The following EXOC6 variants were observed in gnomAD, a reference collection of about 807,000 sequenced individuals.
EXOC6 encodes SEC15-like 1.
Under a neutral mutation model 112.5 loss-of-function variants are expected in EXOC6, and 60 were observed. The observed-to-expected ratio is 0.53, with a 90% CI of 0.43 to 0.66. The LOEUF (loss-of-function observed/expected upper bound fraction) is 0.66, where lower values mean the gene tolerates loss of function less well. Ranked by LOEUF, EXOC6 falls within the 30% of genes least tolerant of loss-of-function variation. The pLI, the probability that EXOC6 is intolerant of heterozygous loss-of-function variation, is 0.00. For missense variants in EXOC6, 855 were observed against 957.1 expected (o/e 0.89, Z 1.41); for synonymous variants, 295 against 308.0 (o/e 0.96, Z 0.44).
rs182890769 is a variant in EXOC6, at chr10:92,910,761, C to T, written c.663+1130C>T. On this transcript the variant is annotated intron_variant, in intron 6 of 21. Transcript: ENST00000260762. ...TGGCTAACACGGTGAAACCCCATCT[C>T]TACTAAAAATACAAAAAATTAGCCA... Among the ~76,000 whole-genome samples, 404 of 152,192 alleles carry T rather than the reference C, an allele frequency of 2.7e-3. 2 individuals are homozygous for T. Among genetic ancestry groups the T allele is most frequent in the African/African-American group, 9.4e-3 (389 of 41,544 alleles).
At chr10:92,896,204 T>A (rs1358975984) in intron 4 of EXOC6, among the ~76,000 whole-genome samples, 24 of 55,018 alleles carry the variant, frequency 4.4e-4, no homozygotes, top group African/African-American at 1.7e-3. Context: ...TTTTTTTTTT[T>A]TTTTTTTTTT....
chr10:93,001,971 TACTC>T (rs1351010986), intron 19 of EXOC6, among the ~76,000 whole-genome samples: 1 of 152,216 alleles, frequency 6.6e-6, no homozygotes, highest in African/African-American at 2.4e-5. Context: ...AATATAGAGA[TACTC>T]AGGTGTACAG....
upstream of EXOC6, among the ~76,000 whole-genome samples, chr10:92,832,522 C>T (rs1378532092): frequency 6.6e-6 from 1 of 152,120 alleles, no homozygotes; most frequent in East Asian, 1.9e-4. Flanking sequence ...AGGTGATCCA[C>T]CCACCTCAGC....
Position 92,928,375 on chromosome 10 carries a change from CA to C in EXOC6, c.928del (p.Arg310GlufsTer30), listed in dbSNP as rs1354870212. ...AACATTTGAAAACTATTATCGAAAA[CA>C]AAGAAAGAAACAAGCAAGACTGGTA... ...EETFENYYRK[Q>X]RKKQARLVLQ... On this transcript the variant is annotated frameshift_variant, in exon 9 of 22. Coordinates refer to ENST00000260762, the MANE Select transcript of EXOC6 (RefSeq NM_019053.6). LOFTEE classifies it high-confidence loss of function. The C allele has an allele frequency of 6.2e-7, 1 of 1,609,646 alleles. No homozygotes were observed. Among genetic ancestry groups the C allele is most frequent in the Non-Finnish European group, 8.5e-7 (1 of 1,177,852 alleles).
chr10:92,896,655 T>G (rs1274208857), intron 4 of EXOC6, among the ~76,000 whole-genome samples: 1 of 151,888 alleles, frequency 6.6e-6, no homozygotes, highest in Admixed American at 6.6e-5. Context: ...TGGCTGAATC[T>G]TGGTTCACTG....
intron 5 of EXOC6, among the ~76,000 whole-genome samples, chr10:92,908,186 C>T (rs1298801347): frequency 6.7e-6 from 1 of 149,620 alleles, no homozygotes; most frequent in African/African-American, 2.5e-5. Context: ...TCCTGAGTAG[C>T]TGGGATTACA....
chr10:93,058,613 C>A lies in EXOC6; in HGVS notation c.*258C>A. On this transcript the variant is annotated 3_prime_UTR_variant, in exon 22 of 22. Transcript: ENST00000260762. ...TGCAAAAGTGTAATACATAAATTGT[C>A]ACAAATTATACATGAAATTGATTAC... 3.3e-6 allele frequency: 1 copy of A among 302,838 alleles called. No individual in the cohort carries two copies. Among genetic ancestry groups the A allele is most frequent in the Non-Finnish European group, 6.0e-6 (1 of 166,344 alleles). 18.8% of individuals were successfully genotyped at this position (302,838 alleles called of 1,614,324 possible).
chr10:93,055,847 C>A (rs914458429), intron 20 of EXOC6, among the ~76,000 whole-genome samples: 5 of 152,120 alleles, frequency 3.3e-5, no homozygotes, highest in African/African-American at 1.2e-4. Context: ...AATAGTCAAG[C>A]AAGTTCTTTA....
At chr10:92,982,891 T>G (rs902400125) in intron 18 of EXOC6, among the ~76,000 whole-genome samples, 1 of 152,254 alleles carries the variant, frequency 6.6e-6, no homozygotes, top group African/African-American at 2.4e-5. Context: ...TACTAAATTT[T>G]TAATTTGCAT....
At chr10:92,852,714 TATTA>T (rs559385607) in intron 1 of EXOC6, among the ~76,000 whole-genome samples, 160 of 152,262 alleles carry the variant, frequency 1.1e-3, no homozygotes, top group Non-Finnish European at 1.6e-3. Flanking sequence ...CAAAATCGAA[TATTA>T]ATTCCTGATT....
At chr10:92,848,657 ACT>A in intron 1 of EXOC6, 23 bp downstream of exon 1, 1 of 1,335,274 alleles carries the variant, frequency 7.5e-7, no homozygotes, top group Non-Finnish European at 9.8e-7. Flanking sequence ...TCCCACCGGG[ACT>A]TCGGCCCCCC....
chr10:92,963,700 C>T (rs1238434522), intron 17 of EXOC6, among the ~76,000 whole-genome samples: 1 of 151,736 alleles, frequency 6.6e-6, no homozygotes, highest in Admixed American at 6.6e-5. Context: ...CACCATATTA[C>T]CCCTGTTAGT....
intron 18 of EXOC6, among the ~76,000 whole-genome samples, chr10:92,989,717 A>G (rs532080617): frequency 4.0e-4 from 61 of 152,318 alleles, no homozygotes; most frequent in Non-Finnish European, 8.8e-5. Context: ...GATGAACCAT[A>G]TAATTCAACA....
intron 7 of EXOC6, among the ~76,000 whole-genome samples, chr10:92,916,367 G>A (rs1851088320): frequency 6.6e-6 from 1 of 152,090 alleles, no homozygotes; most frequent in Non-Finnish European, 1.5e-5. Context: ...AAAATTAGCT[G>A]GGCATGGTGG....
intron 1 of EXOC6, among the ~76,000 whole-genome samples, chr10:92,838,483 T>G (rs148673822): frequency 6.6e-6 from 1 of 152,300 alleles, no homozygotes; most frequent in Non-Finnish European, 1.5e-5. Flanking sequence ...TCATTTTGTG[T>G]GTGAAATGGT....
intron 19 of EXOC6, among the ~76,000 whole-genome samples, chr10:93,013,263 TA>T (rs1353199088): frequency 6.6e-6 from 1 of 152,156 alleles, no homozygotes; most frequent in East Asian, 1.9e-4. Flanking sequence ...GTGGAAATTT[TA>T]AAAATTCTCG....
chr10:92,902,594 C>T (rs927370909), intron 5 of EXOC6, among the ~76,000 whole-genome samples: 1 of 151,860 alleles, frequency 6.6e-6, no homozygotes, highest in Admixed American at 6.6e-5. Context: ...ATGACTTGTA[C>T]ATTTTTGTTT....
chr10:92,894,870 C>T (rs757187010), intron 3 of EXOC6, 29 bp downstream of exon 3: 3 of 1,611,544 alleles, frequency 1.9e-6, no homozygotes, highest in Non-Finnish European at 2.5e-6. Context: ...TCTGGGTATT[C>T]AGTATGTAGT....
chr10:92,885,363 A>G (rs1360668169), intron 1 of EXOC6, among the ~76,000 whole-genome samples: 1 of 151,544 alleles, frequency 6.6e-6, no homozygotes, highest in Non-Finnish European at 1.5e-5. Context: ...CTCTGTTCAC[A>G]TGAAGGTTAA....
Sources: gnomAD v4.1 joint callset for allele counts (sites outside exome capture counted in the v4.1 genomes callset) on GRCh38, gnomAD v4.1.1 for gene constraint, MANE v1.5 for transcripts, NCBI Gene and HGNC (gene_info 2026-07-23, HGNC 2026-07-21) for gene names.